Variants in HS3ST4 observed in about 807,000 individuals in gnomAD.
HS3ST4 encodes the protein heparan sulfate glucosamine 3-O-sulfotransferase 4.
In HS3ST4, 17 loss-of-function variants were observed where a neutral mutation model predicts 29.2. The observed-to-expected ratio is 0.58, with a 90% CI of 0.40 to 0.87. HS3ST4 has a LOEUF of 0.87. Ranked by LOEUF, HS3ST4 falls within the 40% of genes least tolerant of loss-of-function variation. The pLI is 0.00. For synonymous variants in HS3ST4, 314 were observed against 285.7 expected (o/e 1.10, Z -1.00); for missense variants, 627 against 634.5 (o/e 0.99, Z 0.13).
intron 1 of HS3ST4, among the ~76,000 whole-genome samples, chr16:25,976,346 C>G (rs1463841773): frequency 6.6e-6 from 1 of 152,144 alleles, no homozygotes; most frequent in African/African-American, 2.4e-5. Context: ...CACTCTGTCA[C>G]CCAGACTGGA....
intron 1 of HS3ST4, among the ~76,000 whole-genome samples, chr16:25,879,410 G>A (rs1967870412): frequency 6.6e-6 from 1 of 152,124 alleles, no homozygotes; most frequent in African/African-American, 2.4e-5. Flanking sequence ...GTTCCACGTG[G>A]CAGGGGAGGT....
intron 1 of HS3ST4, among the ~76,000 whole-genome samples, chr16:25,819,120 C>G (rs1220678474): frequency 6.6e-6 from 1 of 152,118 alleles, no homozygotes; most frequent in Non-Finnish European, 1.5e-5. Context: ...CATTCTCTTC[C>G]TAGGAAGATT....
intron 1 of HS3ST4, among the ~76,000 whole-genome samples, chr16:26,018,912 T>C (rs1307570299): frequency 6.6e-6 from 1 of 151,972 alleles, no homozygotes; most frequent in Admixed American, 6.6e-5. Context: ...TTAGTTTCAA[T>C]ACAGTCACCC....
At chr16:26,038,818 G>C (rs1969608438) in intron 1 of HS3ST4, among the ~76,000 whole-genome samples, 2 of 152,008 alleles carry the variant, frequency 1.3e-5, no homozygotes, top group African/African-American at 4.8e-5. Context: ...CGAGTAGCTG[G>C]GACTACAGTC....
chr16:25,839,623 C>T (rs1967393382), intron 1 of HS3ST4, among the ~76,000 whole-genome samples: 1 of 152,100 alleles, frequency 6.6e-6, no homozygotes, highest in Admixed American at 6.5e-5. Context: ...GACAATAGGG[C>T]TTTGTGTTAT....
At chr16:25,828,524 A>C (rs1282817725) in intron 1 of HS3ST4, among the ~76,000 whole-genome samples, 1 of 151,690 alleles carries the variant, frequency 6.6e-6, no homozygotes, top group East Asian at 1.9e-4. Context: ...TATTTTTAGT[A>C]GAGATGGGGT....
chr16:25,765,977 C>T (rs999877069), intron 1 of HS3ST4, among the ~76,000 whole-genome samples: 6 of 152,072 alleles, frequency 3.9e-5, no homozygotes, highest in East Asian at 1.9e-4. Flanking sequence ...GGTTAGGGAG[C>T]GGTCCCAGAA....
At chr16:25,822,674 G>T (rs758426846) in intron 1 of HS3ST4, among the ~76,000 whole-genome samples, 1 of 152,028 alleles carries the variant, frequency 6.6e-6, no homozygotes, top group African/African-American at 2.4e-5. Context: ...TTCAGCACTT[G>T]TTCCTTCATA....
chr16:26,125,575 C>T (rs1899331397), intron 1 of HS3ST4, among the ~76,000 whole-genome samples: 2 of 152,242 alleles, frequency 1.3e-5, no homozygotes, highest in African/African-American at 4.8e-5. Flanking sequence ...TTAGTAGAAT[C>T]CTCAAGAAAA....
chr16:25,788,540 C>CTTTTTTTTTTTTTTTTTTTTTTTTTT (rs34729954), intron 1 of HS3ST4, among the ~76,000 whole-genome samples: 2 of 99,070 alleles, frequency 2.0e-5, no homozygotes. Context: ...TTCTTTTCTT[C>CTTTTTTTTTTTTTTTTTTTTTTTTTT]TTTCTTTTTT....
At chr16:26,091,076 TC>T (rs1898851379) in intron 1 of HS3ST4, among the ~76,000 whole-genome samples, 1 of 152,188 alleles carries the variant, frequency 6.6e-6, no homozygotes, top group African/African-American at 2.4e-5. Flanking sequence ...TTAGGCACAC[TC>T]AAGTTTGAGA....
At position 25,862,907 on chromosome 16, in the gene HS3ST4, C is replaced by T. The variant is rs192928084; in HGVS notation, c.734+169756C>T. The stretch of plus-strand genomic sequence containing the variant: ...TTTAGCCCCACCCACTGTGTCTGAG[C>T]ATTCCTATTGCCTCCTATTCTTGAA... On this transcript the variant is annotated intron_variant, in intron 1 of 1. Transcript: ENST00000331351. 1.4e-4 allele frequency among the ~76,000 whole-genome samples: 21 copies of T among 152,298 alleles called. 1 individual carries two copies. In the East Asian group the frequency reaches 4.1e-3, roughly 29 times the overall value.
At chr16:25,887,955 C>T (rs1420408346) in intron 1 of HS3ST4, among the ~76,000 whole-genome samples, 1 of 152,060 alleles carries the variant, frequency 6.6e-6, no homozygotes, top group Non-Finnish European at 1.5e-5. Flanking sequence ...CCTCGGCCTC[C>T]CAAATTGTTG....
intron 1 of HS3ST4, among the ~76,000 whole-genome samples, chr16:25,780,636 G>A (rs1379207052): frequency 6.6e-6 from 1 of 152,190 alleles, no homozygotes; most frequent in Non-Finnish European, 1.5e-5. Flanking sequence ...TTTTTCTTGT[G>A]TATAAAGTGG....
chr16:25,901,744 C>T (rs1228372838), intron 1 of HS3ST4, among the ~76,000 whole-genome samples: 2 of 152,156 alleles, frequency 1.3e-5, no homozygotes, highest in Non-Finnish European at 2.9e-5. Flanking sequence ...CTGTTTCAGC[C>T]CCTCTTTCCT....
At chr16:25,777,654 G>C (rs146034808) in intron 1 of HS3ST4, among the ~76,000 whole-genome samples, 278 of 152,286 alleles carry the variant, frequency 1.8e-3, no homozygotes, top group Non-Finnish European at 3.7e-3. Flanking sequence ...TGTAGTCCCA[G>C]TTACTTGGGA....
intron 1 of HS3ST4, among the ~76,000 whole-genome samples, chr16:25,827,568 C>T (rs1967233104): frequency 6.7e-6 from 1 of 149,364 alleles, no homozygotes; most frequent in Non-Finnish European, 1.5e-5. Flanking sequence ...CTTTTGGTTT[C>T]TATCTTAGCG....
chr16:25,757,602 A>G (rs1010026333), intron 1 of HS3ST4, among the ~76,000 whole-genome samples: 1 of 149,318 alleles, frequency 6.7e-6, no homozygotes, highest in African/African-American at 2.4e-5. Flanking sequence ...AATATATATA[A>G]TAGAGAGAGT....
intron 1 of HS3ST4, among the ~76,000 whole-genome samples, chr16:25,970,597 C>G (rs1448156322): frequency 1.3e-5 from 2 of 151,972 alleles, no homozygotes; most frequent in African/African-American, 4.8e-5. Context: ...GTAGCCTCAA[C>G]CCCCTGGACT....
Sources: gnomAD v4.1 joint callset for allele counts (sites outside exome capture counted in the v4.1 genomes callset) on GRCh38, gnomAD v4.1.1 for gene constraint, MANE v1.5 for transcripts, NCBI Gene and HGNC (gene_info 2026-07-23, HGNC 2026-07-21) for gene names.